Variants in SYCP1 observed in about 807,000 individuals in gnomAD.
SYCP1 encodes the protein cancer/testis antigen 8.
A neutral mutation model predicts 153.1 loss-of-function variants in SYCP1; 64 were observed. That is an observed-to-expected ratio of 0.42 (90% CI 0.34 to 0.51). SYCP1 has a LOEUF of 0.51. SYCP1 is among the 20% of genes least tolerant of loss of function. The pLI is 0.06. For missense variants in SYCP1, 997 were observed against 1,049.0 expected (o/e 0.95, Z 0.68); for synonymous variants, 384 against 341.8 (o/e 1.12, Z -1.36).
rs1172280312 is a variant in SYCP1 at position 114,947,249 on chromosome 1, A to G, written c.2251A>G (p.Ile751Val). ...CTTCATGTTTCTTTTTCTTTAGGAG[A>G]TTGAACTATCCAATCTCAAAGCTGA... ...EQSSLRASLE[I>V]ELSNLKAELL... Residue 751 changes from isoleucine to valine, a missense_variant, in exon 27 of 32, where the codon ATT (isoleucine) becomes GTT (valine). By Grantham distance (29) the Ile-to-Val change is conservative. This residue lies in a region of SYCP1 where 712 missense variants were observed against 682.9 expected (regional missense o/e 1.04). Transcript: ENST00000369522. The G allele has an allele frequency of 1.5e-5, 24 of 1,609,688 alleles. No homozygotes were observed. Among genetic ancestry groups the G allele is most frequent in the Non-Finnish European group, 2.0e-5 (24 of 1,177,994 alleles).
chr1:114,857,492 T>A lies in SYCP1; in HGVS notation c.286T>A (p.Leu96Met). 1 of 1,597,136 alleles carries A rather than the reference T, an allele frequency of 6.3e-7. No individual in the cohort carries two copies. The highest frequency in any genetic ancestry group is 8.5e-7 in the Non-Finnish European group (1 of 1,171,168). ...HYQEGLKDSD[L>M]ENSEGLSRVY... ...TCAGGAAGGACTAAAAGACTCTGAT[T>A]TGGAGGTCAGAAGATTTCCCATTCA... Residue 96 changes from leucine (L) to methionine (M), a missense_variant, in exon 5 of 32, where the codon TTG becomes ATG. By Grantham distance (15) the Leu-to-Met change is conservative (BLOSUM62 2). Around this residue, in one of 2 missense-constraint regions of SYCP1, gnomAD observed 285 missense variants for 366.1 expected, o/e 0.78. Coordinates refer to ENST00000369522, the MANE Select transcript of SYCP1 (RefSeq NM_003176.4).
intron 30 of SYCP1, among the ~76,000 whole-genome samples, chr1:114,992,975 G>T (rs1180044882): frequency 6.6e-6 from 1 of 151,244 alleles, no homozygotes; most frequent in Non-Finnish European, 1.5e-5. Context: ...GAAAAGATTC[G>T]AATAGCCATT....
chr1:114,959,957 G>T (rs1031941232), intron 27 of SYCP1, among the ~76,000 whole-genome samples: 9 of 151,914 alleles, frequency 5.9e-5, no homozygotes, highest in Non-Finnish European at 1.2e-4. Flanking sequence ...TTCAGGGTGT[G>T]TATGCACCAC....
chr1:114,960,302 G>A (rs1440412361), intron 27 of SYCP1, among the ~76,000 whole-genome samples: 2 of 151,826 alleles, frequency 1.3e-5, no homozygotes, highest in African/African-American at 2.4e-5. Flanking sequence ...CGAGTAGCTG[G>A]GATCACAGGC....
intron 12 of SYCP1, among the ~76,000 whole-genome samples, chr1:114,884,934 T>C (rs1231271880): frequency 6.6e-6 from 1 of 152,158 alleles, no homozygotes; most frequent in Non-Finnish European, 1.5e-5. Flanking sequence ...GACTAGTACC[T>C]GAGACTTAGT....
chr1:114,935,122 C>G (rs1452470311), intron 23 of SYCP1, among the ~76,000 whole-genome samples: 1 of 152,164 alleles, frequency 6.6e-6, no homozygotes, highest in Non-Finnish European at 1.5e-5. Flanking sequence ...CAGCACCACA[C>G]AACACCTATT....
rs1316704390 is a variant in SYCP1, at chr1:114,984,720, G to A, written c.2560-5G>A. ...GATAATGTATGGTTTTTTATTTTTGGATAGGCATATACAGTGAAGACACCA... is the reference window on the plus strand; with the variant it reads ...GATAATGTATGGTTTTTTATTTTTGAATAGGCATATACAGTGAAGACACCA... On this transcript the variant is annotated splice_region_variant and splice_polypyrimidine_tract_variant and intron_variant, in intron 29 of 31. Coordinates refer to ENST00000369522, the MANE Select transcript of SYCP1 (RefSeq NM_003176.4). 1.5e-6 allele frequency: 2 copies of A among 1,364,768 alleles called. No individual in the cohort carries two copies. The highest frequency in any genetic ancestry group is 4.5e-5 in the South Asian group (2 of 43,958). The allele number at this position is 1,364,768 out of a possible 1,614,324, so 84.5% of individuals were successfully genotyped here.
rs562163145 is a variant in SYCP1 at position 114,868,700 on chromosome 1, G to T, written c.599-5806G>T. Among the ~76,000 whole-genome samples the T allele has an allele frequency of 2.6e-5, 4 of 152,250 alleles. No individual in the cohort carries two copies. In the East Asian group the frequency reaches 7.7e-4, roughly 29 times the overall value. ...GGCCTGGTGCTTTCTGTTCTGGAGGGTTATTAATTATTGACTTAATTTCTT... is the reference window on the plus strand; with the variant it reads ...GGCCTGGTGCTTTCTGTTCTGGAGGTTTATTAATTATTGACTTAATTTCTT... On this transcript the variant is annotated intron_variant, in intron 8 of 31. Coordinates refer to ENST00000369522, the MANE Select transcript of SYCP1 (RefSeq NM_003176.4).
intron 2 of SYCP1, among the ~76,000 whole-genome samples, chr1:114,856,370 T>C (rs1432273869): frequency 1.3e-5 from 2 of 152,248 alleles, no homozygotes; most frequent in Non-Finnish European, 2.9e-5. Flanking sequence ...AGCTTCATCT[T>C]ACAAGTGGAA....
In SYCP1 at chr1:114,876,157, C is replaced by A; in HGVS notation, c.727+19C>A. ...TTTAAGTGTAGGTATAGGGATCTTA[C>A]TTAATTTTTATATTACTGTTTTGCT... On this transcript the variant is annotated intron_variant, in intron 10 of 31. Coordinates refer to ENST00000369522, the MANE Select transcript of SYCP1 (RefSeq NM_003176.4). The A allele has an allele frequency of 3.3e-6, 5 of 1,493,350 alleles. No homozygotes were observed. Among genetic ancestry groups the A allele is most frequent in the Non-Finnish European group, 4.5e-6 (5 of 1,112,530 alleles). The allele number at this position is 1,493,350 out of a possible 1,614,324, so 92.5% of individuals were successfully genotyped here. A position where few individuals can be genotyped will look rare whatever the true frequency, so the allele number is the denominator to read the frequency against.
chr1:114,955,342 TAAAATATAAGTTCATGA>T (rs774778857), intron 27 of SYCP1, among the ~76,000 whole-genome samples: 4 of 152,188 alleles, frequency 2.6e-5, no homozygotes, highest in Non-Finnish European at 5.9e-5. Flanking sequence ...GTTGAGGATT[TAAAATATAAGTTCATGA>T]GAAATATTGG....
intron 18 of SYCP1, 27 bp from the exon 19 acceptor site, chr1:114,913,005 TG>T: frequency 6.8e-7 from 1 of 1,477,784 alleles, no homozygotes; most frequent in Non-Finnish European, 9.3e-7. Context: ...GTAAATATTT[TG>T]GTATGACTTT....
In SYCP1 at chr1:114,988,171, A is replaced by G. The variant is rs112310286; in HGVS notation, c.2703+3303A>G. On this transcript the variant is annotated intron_variant, in intron 30 of 31. Coordinates refer to ENST00000369522, the MANE Select transcript of SYCP1 (RefSeq NM_003176.4). The stretch of plus-strand genomic sequence containing the variant: ...CACCATCAGCTGGGCCAATATATAC[A>G]TTGTAGGAATTCCAGAAGGAGAAGA... 3.0e-3 allele frequency among the ~76,000 whole-genome samples: 450 copies of G among 151,110 alleles called. 1 individual carries two copies. The highest frequency in any genetic ancestry group is 6.8e-3 in the Middle Eastern group (2 of 292).
chr1:114,880,946 ATAGT>A (rs1157942723), intron 12 of SYCP1, among the ~76,000 whole-genome samples: 1 of 152,192 alleles, frequency 6.6e-6, no homozygotes, highest in African/African-American at 2.4e-5. Context: ...CTTGCTAATA[ATAGT>A]TGGTTCTTAA....
At chr1:114,945,851 T>C (rs1205479348) in intron 25 of SYCP1, among the ~76,000 whole-genome samples, 2 of 152,188 alleles carry the variant, frequency 1.3e-5, no homozygotes, top group African/African-American at 4.8e-5. Flanking sequence ...CACATATGTA[T>C]ACATGTGCCA....
rs895320604 is a variant in SYCP1 at position 114,881,911 on chromosome 1, C to T, written c.911-3624C>T. On this transcript the variant is annotated intron_variant, in intron 12 of 31. Transcript: ENST00000369522. Reference sequence around the variant, plus strand: ...TTACAGTATAATATGTTAACTCATACGCTTAGTTTTGTTTAATAGCTTCTT... The same window carrying T: ...TTACAGTATAATATGTTAACTCATATGCTTAGTTTTGTTTAATAGCTTCTT... 3.3e-4 allele frequency among the ~76,000 whole-genome samples: 50 copies of T among 152,108 alleles called. 1 individual carries two copies. Among genetic ancestry groups the T allele is most frequent in the East Asian group, 7.7e-4 (4 of 5,206 alleles).
intron 30 of SYCP1, among the ~76,000 whole-genome samples, chr1:114,985,868 G>A (rs965134156): frequency 2.0e-5 from 3 of 150,304 alleles, no homozygotes; most frequent in Non-Finnish European, 3.0e-5. Context: ...TGTATTCACA[G>A]GTTCTACATC....
At position 114,878,693 on chromosome 1, in the gene SYCP1, A is replaced by G. The variant is rs1437347914; in HGVS notation, c.910+491A>G. 3.3e-5 allele frequency among the ~76,000 whole-genome samples: 5 copies of G among 152,020 alleles called. No homozygotes were observed. In the South Asian group the frequency reaches 6.2e-4, roughly 19 times the overall value. On this transcript the variant is annotated intron_variant, in intron 12 of 31. Coordinates refer to ENST00000369522, the MANE Select transcript of SYCP1 (RefSeq NM_003176.4). ...CTAGTAGCTGGGACTATAGGTGTGT[A>G]CCACCACGCCTGGCTAATTTTTGTA...
At chr1:114,951,317 T>TA (rs1671092689) in intron 27 of SYCP1, among the ~76,000 whole-genome samples, 2 of 152,010 alleles carry the variant, frequency 1.3e-5, no homozygotes, top group South Asian at 4.2e-4. Context: ...CACTTACACA[T>TA]ATCAAGAAAG....
Sources: gnomAD v4.1 joint callset for allele counts (sites outside exome capture counted in the v4.1 genomes callset) on GRCh38, gnomAD v4.1.1 for gene constraint, gnomAD v4.1.1 regional missense constraint, MANE v1.5 for transcripts, NCBI Gene and HGNC (gene_info 2026-07-23, HGNC 2026-07-21) for gene names.